The following KCNQ5 variants were observed in gnomAD, a reference collection of about 807,000 sequenced individuals.
KCNQ5 encodes potassium voltage-gated channel subfamily KQT member 5.
A neutral mutation model predicts 98.2 loss-of-function variants in KCNQ5; 30 were observed. The observed-to-expected ratio is 0.31, with a 90% CI of 0.23 to 0.41. The LOEUF is 0.41. Ranked by LOEUF, KCNQ5 falls within the 10% of genes least tolerant of loss-of-function variation. The pLI is 1.00. For missense variants in KCNQ5, 835 were observed against 1,182.5 expected (o/e 0.71, Z 4.31); for synonymous variants, 458 against 449.4 (o/e 1.02, Z -0.24).
At chr6:72,783,663 CAT>C (rs1773596429) in intron 1 of KCNQ5, among the ~76,000 whole-genome samples, 1 of 152,112 alleles carries the variant, frequency 6.6e-6, no homozygotes, top group African/African-American at 2.4e-5. Flanking sequence ...CAGAGCATAT[CAT>C]TGTGTTGAAA....
chr6:72,838,873 C>T (rs1433072600), intron 1 of KCNQ5, among the ~76,000 whole-genome samples: 1 of 142,036 alleles, frequency 7.0e-6, no homozygotes, highest in African/African-American at 2.6e-5. Flanking sequence ...TGGCGTGAAC[C>T]CGGGAGGCGG....
intron 10 of KCNQ5, among the ~76,000 whole-genome samples, chr6:73,151,027 A>G (rs1348380353): frequency 4.6e-5 from 7 of 152,170 alleles, no homozygotes; most frequent in Admixed American, 2.6e-4. Context: ...ATATTCTGGC[A>G]GTGATATTGC....
intron 1 of KCNQ5, among the ~76,000 whole-genome samples, chr6:72,641,754 G>A (rs1172407837): frequency 6.6e-6 from 1 of 152,000 alleles, no homozygotes; most frequent in Non-Finnish European, 1.5e-5. Context: ...AAGAATTTTG[G>A]TATCTAAAAT....
At chr6:73,046,317 T>C (rs1771953907) in intron 3 of KCNQ5, among the ~76,000 whole-genome samples, 1 of 152,210 alleles carries the variant, frequency 6.6e-6, no homozygotes, top group South Asian at 2.1e-4. Context: ...CTGTTAGTCA[T>C]ACACTCTTCT....
At chr6:72,808,819 G>A (rs1430104033) in intron 1 of KCNQ5, among the ~76,000 whole-genome samples, 2 of 151,958 alleles carry the variant, frequency 1.3e-5, no homozygotes, top group African/African-American at 2.4e-5. Flanking sequence ...CAACCATTGT[G>A]GAAGTCAGTG....
At chr6:72,870,148 T>A (rs775980576) in intron 1 of KCNQ5, among the ~76,000 whole-genome samples, 1 of 152,220 alleles carries the variant, frequency 6.6e-6, no homozygotes, top group Non-Finnish European at 1.5e-5. Flanking sequence ...GTATAATTAT[T>A]ACATTGTATA....
At chr6:73,183,322 A>C (rs184815898) in intron 11 of KCNQ5, among the ~76,000 whole-genome samples, 73 of 152,298 alleles carry the variant, frequency 4.8e-4, no homozygotes, top group African/African-American at 1.7e-3. Context: ...CCTGAGCTTT[A>C]CTTGACCCAA....
intron 1 of KCNQ5, among the ~76,000 whole-genome samples, chr6:72,654,081 T>C (rs919101940): frequency 4.0e-5 from 6 of 151,662 alleles, no homozygotes; most frequent in Non-Finnish European, 4.4e-5. Context: ...AATAAGACAA[T>C]AGGAACATAA....
intron 1 of KCNQ5, among the ~76,000 whole-genome samples, chr6:72,998,447 A>G (rs1769404955): frequency 6.6e-6 from 1 of 152,074 alleles, no homozygotes; most frequent in Admixed American, 6.6e-5. Flanking sequence ...CATTTAAAAC[A>G]TTTAAGGGCC....
chr6:73,124,722 A>G (rs1775879368), intron 9 of KCNQ5: 1 of 581,850 alleles, frequency 1.7e-6, no homozygotes, highest in Non-Finnish European at 3.1e-6. Context: ...CTGCTTTTTC[A>G]AAATCTGCAG....
intron 3 of KCNQ5, among the ~76,000 whole-genome samples, chr6:73,064,251 T>A (rs1221932898): frequency 6.6e-6 from 1 of 152,192 alleles, no homozygotes; most frequent in Non-Finnish European, 1.5e-5. Context: ...AAAAATTACA[T>A]ATCCCAACAC....
chr6:72,724,372 T>C (rs1046423212), intron 1 of KCNQ5, among the ~76,000 whole-genome samples: 34 of 152,230 alleles, frequency 2.2e-4, no homozygotes, highest in African/African-American at 8.0e-4. Context: ...TTTCTTTTGC[T>C]TCTTTTATCC....
Position 73,194,965 on chromosome 6 carries a change from C to T in KCNQ5, c.2350C>T (p.Leu784Phe). ...QESISDVTTC[L>F]VASKENVQVA... ...AAGCATTTCTGACGTCACCACCTGC[C>T]TTGTTGCCTCCAAGGAAAATGTTCA... The change falls in exon 14 of 14, where the codon CTT (leucine) becomes TTT (phenylalanine). Residue 784 changes from leucine (L) to phenylalanine (F), a missense_variant. Transcript: ENST00000370398. 6.2e-7 allele frequency: 1 copy of T among 1,614,222 alleles called. No homozygotes were observed. Among genetic ancestry groups the T allele is most frequent in the Non-Finnish European group, 8.5e-7 (1 of 1,180,040 alleles).
intron 9 of KCNQ5, 24 bp from the exon 10 acceptor site, chr6:73,133,397 T>C: frequency 6.2e-7 from 1 of 1,600,714 alleles, no homozygotes; most frequent in Non-Finnish European, 8.6e-7. Context: ...TGAAATGGAA[T>C]AATCATGCCT....
At chr6:72,799,825 A>T (rs1200147436) in intron 1 of KCNQ5, among the ~76,000 whole-genome samples, 1 of 152,182 alleles carries the variant, frequency 6.6e-6, no homozygotes, top group Non-Finnish European at 1.5e-5. Flanking sequence ...TATGCACTTT[A>T]ATTATTTCTC....
chr6:72,705,024 A>C (rs772779213), intron 1 of KCNQ5, among the ~76,000 whole-genome samples: 15 of 152,130 alleles, frequency 9.9e-5, no homozygotes, highest in Non-Finnish European at 1.8e-4. Flanking sequence ...TGAACTAGTC[A>C]GTGTTTCTCC....
intron 1 of KCNQ5, among the ~76,000 whole-genome samples, chr6:72,676,661 A>T (rs540526226): frequency 1.3e-5 from 2 of 151,210 alleles, no homozygotes; most frequent in South Asian, 4.2e-4. Context: ...ATTGCTTTTT[A>T]AAAATGCTGT....
chr6:72,645,164 T>A (rs1765521657), intron 1 of KCNQ5, among the ~76,000 whole-genome samples: 1 of 150,630 alleles, frequency 6.6e-6, no homozygotes, highest in African/African-American at 2.5e-5. Flanking sequence ...GGAGCCTGGA[T>A]TTTAAGATCA....
At chr6:72,876,864 C>T (rs761944768) in intron 1 of KCNQ5, among the ~76,000 whole-genome samples, 2 of 152,054 alleles carry the variant, frequency 1.3e-5, no homozygotes, top group East Asian at 1.9e-4. Flanking sequence ...TGGATTATGG[C>T]GAGAGATTTG....
Sources: gnomAD v4.1 joint callset for allele counts (sites outside exome capture counted in the v4.1 genomes callset) on GRCh38, gnomAD v4.1.1 for gene constraint, MANE v1.5 for transcripts, NCBI Gene and HGNC (gene_info 2026-07-23, HGNC 2026-07-21) for gene names.